ARHGAP32: variants seen among roughly 807,000 people sequenced by gnomAD.
ARHGAP32 encodes the protein rho GTPase-activating protein 32.
ARHGAP32 carries 51 observed loss-of-function variants against 186.5 expected under a neutral mutation model. The observed-to-expected ratio is 0.27, with a 90% confidence interval of 0.22 to 0.35. The LOEUF (loss-of-function observed/expected upper bound fraction) is 0.35. Among genes scored for constraint, ARHGAP32 ranks in the 10% least tolerant of loss-of-function variants. The pLI, the probability that ARHGAP32 is intolerant of heterozygous loss-of-function variation, is 1.00. For synonymous variants in ARHGAP32, 950 were observed against 964.3 expected, an observed-to-expected ratio of 0.99 and a Z score of 0.27; for missense variants, 2,186 against 2,623.5, an observed-to-expected ratio of 0.83 and a Z score of 3.64.
chr11:129,074,596 C>T (rs542994670), intron 6 of ARHGAP32, among the ~76,000 whole-genome samples: 1 of 152,174 alleles, frequency 6.6e-6, no homozygotes, highest in African/African-American at 2.4e-5. Context: ...CAGGTTCAAG[C>T]GATTCTCCTG....
At chr11:129,036,979 T>C (rs931057879) in intron 11 of ARHGAP32, among the ~76,000 whole-genome samples, 2 of 152,198 alleles carry the variant, frequency 1.3e-5, no homozygotes, top group Non-Finnish European at 2.9e-5. Context: ...GAATCCACTA[T>C]GAAACTATTA....
chr11:129,217,516 T>A (rs1473404899), intron 1 of ARHGAP32, among the ~76,000 whole-genome samples: 1 of 152,164 alleles, frequency 6.6e-6, no homozygotes, highest in Admixed American at 6.5e-5. Flanking sequence ...AAAAGATATC[T>A]CTCTTCTATG....
At chr11:129,065,001 G>T in intron 7 of ARHGAP32, 68 bp from the exon 8 acceptor site, 2 of 1,305,190 alleles carry the variant, frequency 1.5e-6, no homozygotes, top group South Asian at 1.3e-5. Context: ...AAAACTGGAT[G>T]GTTTCTGGAA....
At chr11:129,074,495 A>AT (rs979689877) in intron 6 of ARHGAP32, among the ~76,000 whole-genome samples, 2 of 151,720 alleles carry the variant, frequency 1.3e-5, no homozygotes, top group African/African-American at 4.8e-5. Context: ...AAAAAAAAAA[A>AT]TTTTTCTTCT....
chr11:129,106,362 T>A (rs1342496845), intron 5 of ARHGAP32, among the ~76,000 whole-genome samples: 2 of 152,008 alleles, frequency 1.3e-5, no homozygotes, highest in African/African-American at 4.8e-5. Flanking sequence ...AAAAACCACG[T>A]CCTTTGCAGC....
chr11:129,039,936 C>T (rs1428730078), intron 11 of ARHGAP32, among the ~76,000 whole-genome samples: 2 of 152,022 alleles, frequency 1.3e-5, no homozygotes, highest in Non-Finnish European at 2.9e-5. Flanking sequence ...CTCTACTGAA[C>T]AATAAAGTTA....
intron 2 of ARHGAP32, among the ~76,000 whole-genome samples, chr11:129,156,851 C>T (rs1943420551): frequency 6.6e-6 from 1 of 152,202 alleles, no homozygotes; most frequent in African/African-American, 2.4e-5. Flanking sequence ...CTGGCGGGTG[C>T]CCCTCTGGGA....
At chr11:129,158,060 G>C (rs1460921319) in intron 2 of ARHGAP32, among the ~76,000 whole-genome samples, 1 of 152,050 alleles carries the variant, frequency 6.6e-6, no homozygotes, top group Non-Finnish European at 1.5e-5. Context: ...TGTCTTACAA[G>C]AACTCCTTAA....
intron 12 of ARHGAP32, among the ~76,000 whole-genome samples, chr11:128,991,159 T>C (rs914362630): frequency 1.3e-5 from 2 of 152,306 alleles, no homozygotes; most frequent in Non-Finnish European, 2.9e-5. Flanking sequence ...TAGGAAAACA[T>C]TGAAAATATG....
Position 128,965,536 on chromosome 11 carries a change from A to G in ARHGAP32, c.*3371T>C, listed in dbSNP as rs539371954. The G allele has an allele frequency of 2.5e-4, 38 of 152,332 alleles. No individual in the cohort carries two copies. The highest frequency in any genetic ancestry group is 9.1e-4 in the African/African-American group (38 of 41,572). The allele number at this position is 152,332 out of a possible 1,614,324, so 9.4% of individuals were successfully genotyped here. A position where few individuals can be genotyped will look rare whatever the true frequency, so the allele number is the denominator to read the frequency against. On this transcript the variant is annotated 3_prime_UTR_variant, in exon 23 of 23. Coordinates refer to ENST00000682385, the MANE Select transcript of ARHGAP32 (RefSeq NM_001378024.1). The stretch of plus-strand genomic sequence containing the variant: ...TTTGAACATTAACAGTACTAATCAG[A>G]TAAGGAAAAAAGACCCTCTGTGCAC...
chr11:128,982,891 TAAAAAAAAA>T (rs34630708), intron 15 of ARHGAP32, among the ~76,000 whole-genome samples: 2 of 66,408 alleles, frequency 3.0e-5, no homozygotes, highest in Non-Finnish European at 5.5e-5. Context: ...ACCTTGTCTT[TAAAAAAAAA>T]AAAAAAAAAA....
chr11:129,240,275 C>T (rs970395204), intron 1 of ARHGAP32, among the ~76,000 whole-genome samples: 3 of 151,970 alleles, frequency 2.0e-5, no homozygotes, highest in African/African-American at 7.2e-5. Flanking sequence ...CAGACTGCCT[C>T]GGATTCCAAT....
At chr11:129,190,901 A>T (rs528961869) in intron 1 of ARHGAP32, among the ~76,000 whole-genome samples, 1 of 152,348 alleles carries the variant, frequency 6.6e-6, no homozygotes, top group South Asian at 2.1e-4. Flanking sequence ...TGGGAAAATG[A>T]GACAAAAGTT....
intron 2 of ARHGAP32, among the ~76,000 whole-genome samples, chr11:129,157,234 G>A (rs183516145): frequency 8.5e-4 from 129 of 152,196 alleles, no homozygotes; most frequent in African/African-American, 2.9e-3. Flanking sequence ...TGAGTCTGAC[G>A]AATTGACAGA....
At position 128,969,970 on chromosome 11, in the gene ARHGAP32, T is replaced by G. The variant is rs755325380; in HGVS notation, c.5243A>C (p.Asp1748Ala). The change falls in exon 23 of 23, where the codon GAT becomes GCT. Residue 1748 changes from aspartate to alanine, a missense_variant. By Grantham distance (126) the Asp-to-Ala change is moderately radical (BLOSUM62 -2). This residue lies in a region of ARHGAP32 where 1,502 missense variants were observed against 1,570.0 expected (regional missense o/e 0.96). Coordinates refer to ENST00000682385, the MANE Select transcript of ARHGAP32 (RefSeq NM_001378024.1). This position sits in a 1 kb window ranked among gnomAD's most constrained non-coding sequence, Gnocchi z 4.8. ...HNVVSMPPAA[D>A]VKHTYTSWDL... ...CCATGAGGTGTAGGTGTGCTTCACA[T>G]CAGCAGCCGGAGGCATGCTGACTAC... 1.9e-6 allele frequency: 3 copies of G among 1,614,062 alleles called. No individual in the cohort carries two copies. The highest frequency in any genetic ancestry group is 3.3e-4 in the Middle Eastern group (2 of 6,084).
intron 6 of ARHGAP32, among the ~76,000 whole-genome samples, chr11:129,090,609 C>A (rs2135260617): frequency 6.6e-6 from 1 of 151,988 alleles, no homozygotes. Flanking sequence ...AGGAAAAGAT[C>A]AAAACAAGAC....
intron 5 of ARHGAP32, among the ~76,000 whole-genome samples, chr11:129,105,449 C>T (rs145489682): frequency 1.3e-5 from 2 of 152,132 alleles, no homozygotes; most frequent in South Asian, 2.1e-4. Context: ...AGAAGCAACA[C>T]GTAAAGACCG....
intron 21 of ARHGAP32, 143 bp downstream of exon 21, chr11:128,973,981 G>A (rs1177891533): frequency 6.1e-6 from 6 of 991,094 alleles, no homozygotes; most frequent in Admixed American, 2.5e-5. Flanking sequence ...TTAGGGCTCT[G>A]AGCCATCAGC....
chr11:128,980,822 C>T (rs1945687682), intron 17 of ARHGAP32, 74 bp from the exon 18 acceptor site: 1 of 1,112,538 alleles, frequency 9.0e-7, no homozygotes, highest in Non-Finnish European at 1.3e-6. Context: ...ATCTATCTCT[C>T]CATCTATCTA....
Sources: gnomAD v4.1 joint callset for allele counts (sites outside exome capture counted in the v4.1 genomes callset) on GRCh38, gnomAD v4.1.1 for gene constraint, gnomAD v4.1.1 regional missense constraint, Gnocchi (gnomAD v3.1) non-coding constraint, MANE v1.5 for transcripts, NCBI Gene and HGNC (gene_info 2026-07-23, HGNC 2026-07-21) for gene names.